The following KIZ variants were observed in gnomAD, a reference collection of about 807,000 sequenced individuals.
The protein encoded by KIZ is kizuna centrosomal protein.
Under a neutral mutation model 79.6 loss-of-function variants are expected in KIZ, and 68 were observed. The observed-to-expected ratio is 0.85, with a 90% CI of 0.70 to 1.05. The LOEUF is 1.05. Ranked by LOEUF, KIZ falls within the 50% of genes least tolerant of loss-of-function variation. The probability of loss-of-function intolerance (pLI) is 0.00; values close to 1 mark genes in which losing one functional copy is unlikely to be tolerated. For missense variants in KIZ, 797 were observed against 800.4 expected (o/e 1.00, Z 0.05); for synonymous variants, 280 against 281.8 (o/e 0.99, Z 0.06).
chr20:21,238,326 T>A (rs986013306), intron 11 of KIZ, among the ~76,000 whole-genome samples: 5 of 141,940 alleles, frequency 3.5e-5, no homozygotes, highest in African/African-American at 1.3e-4. Flanking sequence ...GTTATCTGCA[T>A]AAGGGTGTGA....
At chr20:21,162,570 C>A in intron 5 of KIZ, 63 bp downstream of exon 5, 2 of 1,193,762 alleles carry the variant, frequency 1.7e-6, no homozygotes, top group African/African-American at 1.5e-5. Flanking sequence ...TATGTAAGGA[C>A]AAAATATACT....
chr20:21,173,052 C>T (rs948954933), intron 6 of KIZ, among the ~76,000 whole-genome samples: 2 of 152,054 alleles, frequency 1.3e-5, no homozygotes, highest in African/African-American at 2.4e-5. Flanking sequence ...CAGTGTGCCA[C>T]GTTGTGAAGG....
chr20:21,187,791 A>G (rs1383233089), intron 6 of KIZ, among the ~76,000 whole-genome samples: 1 of 152,228 alleles, frequency 6.6e-6, no homozygotes, highest in Non-Finnish European at 1.5e-5. Flanking sequence ...TTTAACCTCT[A>G]GAGTTTAATG....
chr20:21,233,732 G>GA (rs1312078250), intron 11 of KIZ, among the ~76,000 whole-genome samples: 5 of 151,874 alleles, frequency 3.3e-5, no homozygotes, highest in Non-Finnish European at 7.4e-5. Context: ...TTTTTTAAAT[G>GA]AAAAAAATCC....
intron 7 of KIZ, among the ~76,000 whole-genome samples, chr20:21,207,627 G>A (rs372367888): frequency 8.6e-5 from 13 of 151,198 alleles, no homozygotes; most frequent in South Asian, 4.2e-4. Flanking sequence ...ACAGCCCCCC[G>A]TATGCCTTTC....
chr20:21,168,615 G>C (rs1043563954), intron 6 of KIZ, among the ~76,000 whole-genome samples: 1 of 152,128 alleles, frequency 6.6e-6, no homozygotes, highest in Non-Finnish European at 1.5e-5. Context: ...AAGAGAGCCC[G>C]CATCGCCAAG....
intron 6 of KIZ, among the ~76,000 whole-genome samples, chr20:21,200,010 G>C (rs1037063132): frequency 2.0e-5 from 3 of 152,062 alleles, no homozygotes; most frequent in Non-Finnish European, 4.4e-5. Context: ...GGCAGAAGAT[G>C]GGGTTTTACC....
At chr20:21,210,784 A>C (rs1311906607) in intron 7 of KIZ, among the ~76,000 whole-genome samples, 1 of 151,822 alleles carries the variant, frequency 6.6e-6, no homozygotes, top group Non-Finnish European at 1.5e-5. Context: ...TAGGGGCAGC[A>C]ATTTGAGAGA....
At chr20:21,195,993 CAGCACAA>C in intron 6 of KIZ, 1 of 152,768 alleles carries the variant, frequency 6.5e-6, no homozygotes, top group East Asian at 1.9e-4. Context: ...CTGCCACCTA[CAGCACAA>C]AGTCAGTCTC....
At chr20:21,132,687 A>G (rs1312053083) in intron 2 of KIZ, among the ~76,000 whole-genome samples, 3 of 152,240 alleles carry the variant, frequency 2.0e-5, no homozygotes, top group Non-Finnish European at 4.4e-5. Context: ...TCGGTATGAG[A>G]TCAAAATATG....
At chr20:21,156,637 T>C (rs745886834) in intron 4 of KIZ, among the ~76,000 whole-genome samples, 15 of 152,212 alleles carry the variant, frequency 9.9e-5, no homozygotes. Context: ...TTATGGGTTG[T>C]GGAATAGAAA....
intron 4 of KIZ, among the ~76,000 whole-genome samples, chr20:21,153,607 G>A (rs2033229005): frequency 6.6e-6 from 1 of 152,054 alleles, no homozygotes; most frequent in African/African-American, 2.4e-5. Context: ...AGTTTGCTAG[G>A]GCTGCCATAA....
At chr20:21,156,327 GTTATAA>G (rs932450766) in intron 4 of KIZ, among the ~76,000 whole-genome samples, 12 of 152,212 alleles carry the variant, frequency 7.9e-5, no homozygotes, top group African/African-American at 2.9e-4. Flanking sequence ...ATCCAGGATT[GTTATAA>G]TTTTAATTTT....
chr20:21,175,279 A>T (rs959949216), intron 6 of KIZ, among the ~76,000 whole-genome samples: 2 of 152,204 alleles, frequency 1.3e-5, no homozygotes, highest in Non-Finnish European at 2.9e-5. Context: ...GACTTTCATT[A>T]TCCTTATTTT....
chr20:21,182,384 C>T (rs2034690554), intron 6 of KIZ, among the ~76,000 whole-genome samples: 1 of 152,168 alleles, frequency 6.6e-6, no homozygotes, highest in African/African-American at 2.4e-5. Context: ...GGAAAGTATT[C>T]AATAGACTTC....
chr20:21,235,014 C>G (rs1168977244), intron 11 of KIZ, among the ~76,000 whole-genome samples: 1 of 152,164 alleles, frequency 6.6e-6, no homozygotes, highest in East Asian at 1.9e-4. Context: ...TTGAGAGATA[C>G]ATTGTGCAAA....
In KIZ at chr20:21,132,111, T is replaced by G; in HGVS notation, c.104T>G (p.Leu35Trp). ...TTTTATTATAGTGAAAAGAAGAGAT[T>G]GGACCTGGAAAAGAAACTTTATGAA... Reference protein sequence around the residue: ...HGLRDSEKKRLDLEKKLYEYN... With the variant: ...HGLRDSEKKRWDLEKKLYEYN... The change falls in exon 2 of 13, where the codon TTG (leucine) becomes TGG (tryptophan). Residue 35 changes from leucine (L) to tryptophan (W), a missense_variant. Physicochemically the swap from Leu to Trp is moderately conservative, Grantham distance 61. Coordinates refer to ENST00000619189, the MANE Select transcript of KIZ (RefSeq NM_018474.6). 7.2e-7 allele frequency: 1 copy of G among 1,394,480 alleles called. No homozygotes were observed. The highest frequency in any genetic ancestry group is 9.9e-7 in the Non-Finnish European group (1 of 1,009,022). 86.4% of individuals were successfully genotyped at this position (1,394,480 alleles called of 1,614,324 possible).
chr20:21,231,744 G>A (rs930591231), intron 10 of KIZ, among the ~76,000 whole-genome samples: 4 of 152,194 alleles, frequency 2.6e-5, no homozygotes, highest in African/African-American at 4.8e-5. Context: ...GTTGTTAGAA[G>A]TAGCAGGGAT....
intron 4 of KIZ, among the ~76,000 whole-genome samples, chr20:21,150,313 G>A (rs1408790543): frequency 1.3e-5 from 2 of 152,228 alleles, no homozygotes; most frequent in Non-Finnish European, 2.9e-5. Context: ...AGTGGGTGGA[G>A]GAGGTAGAGG....
Sources: gnomAD v4.1 joint callset for allele counts (sites outside exome capture counted in the v4.1 genomes callset) on GRCh38, gnomAD v4.1.1 for gene constraint, MANE v1.5 for transcripts, NCBI Gene and HGNC (gene_info 2026-07-23, HGNC 2026-07-21) for gene names.